Variants in TMEM40 observed in about 807,000 individuals in gnomAD.
The protein encoded by TMEM40 is transmembrane protein 40.
TMEM40 carries 34 observed loss-of-function variants against 40.8 expected under a neutral mutation model. That is an observed-to-expected ratio of 0.83 (90% CI 0.63 to 1.11). TMEM40 has a LOEUF of 1.11. TMEM40 is among the 50% of genes least tolerant of loss of function. The pLI is 0.00. For missense variants in TMEM40, 296 were observed against 280.2 expected (o/e 1.06, Z -0.40); for synonymous variants, 106 against 107.0 (o/e 0.99, Z 0.06).
Position 12,757,469 on chromosome 3 carries a change from C to CA in TMEM40, c.-9+1721dup, listed in dbSNP as rs796454706. Among the ~76,000 whole-genome samples, 841 of 87,124 alleles carry CA rather than the reference C, an allele frequency of 9.7e-3. 11 individuals carry two copies. Among genetic ancestry groups the CA allele is most frequent in the Middle Eastern group, 0.021 (3 of 144 alleles). 57.2% of individuals were successfully genotyped at this position (87,124 alleles called of 152,430 possible). Reference sequence around the variant, plus strand: ...GGGCAACAAGACTGAAACTCCGTCTCAAAAAAAAAAAAAAAAAAGATGCTC... The same window carrying CA: ...GGGCAACAAGACTGAAACTCCGTCTCAAAAAAAAAAAAAAAAAAAGATGCTC... On this transcript the variant is annotated intron_variant, in intron 1 of 11. Transcript: ENST00000314124.
chr3:12,754,244 G>A (rs1413602477), intron 1 of TMEM40, among the ~76,000 whole-genome samples: 4 of 152,118 alleles, frequency 2.6e-5, no homozygotes, highest in African/African-American at 9.7e-5. Context: ...CCCGGGAGGT[G>A]GAGCTGGCAG....
chr3:12,746,071 T>C (rs572187124), intron 3 of TMEM40, among the ~76,000 whole-genome samples: 3 of 152,038 alleles, frequency 2.0e-5, no homozygotes, highest in Non-Finnish European at 2.9e-5. Context: ...CTAATTTTTG[T>C]ATTTTTATTA....
upstream of TMEM40, among the ~76,000 whole-genome samples, chr3:12,762,229 CAA>C (rs1325867709): frequency 6.6e-6 from 1 of 152,194 alleles, no homozygotes; most frequent in Non-Finnish European, 1.5e-5. Flanking sequence ...CCTGGGTTCC[CAA>C]AGTGCTGGGA....
At chr3:12,735,114 G>T (rs1018341681) in intron 11 of TMEM40, among the ~76,000 whole-genome samples, 7 of 152,194 alleles carry the variant, frequency 4.6e-5, no homozygotes, top group Non-Finnish European at 7.3e-5. Flanking sequence ...GTGTGACTGT[G>T]GGCGAGTCAC....
rs915411417 is a variant in TMEM40, at chr3:12,748,574, A to G, written c.211+81T>C. 2.2e-5 allele frequency: 34 copies of G among 1,534,992 alleles called. 2 individuals are homozygous for G. The South Asian group carries it at 2.4e-4, about 11-fold the overall frequency. Reference sequence around the variant, plus strand: ...CGGTATTGGAGTTTCAAGTACTTCAATGACTTCAAGTATGGGGGATTATTT... The same window carrying G: ...CGGTATTGGAGTTTCAAGTACTTCAGTGACTTCAAGTATGGGGGATTATTT... On this transcript the variant is annotated intron_variant, in intron 3 of 11. Coordinates refer to ENST00000314124, the MANE Select transcript of TMEM40 (RefSeq NM_018306.4).
chr3:12,755,213 T>TCTCTCTCTC (rs1233789779), intron 1 of TMEM40, among the ~76,000 whole-genome samples: 3 of 94,320 alleles, frequency 3.2e-5, no homozygotes, highest in African/African-American at 8.7e-5. Context: ...CTTTCTTTCT[T>TCTCTCTCTC]TCTCTCTCTC....
Position 12,734,564 on chromosome 3 carries a change from A to C in TMEM40, c.*210T>G, listed in dbSNP as rs1000861742. ...CCCACCCTCTGCCTTCCATCCTTGC[A>C]GCTGGGTTGCACAGCAGTACTGCCC... On this transcript the variant is annotated 3_prime_UTR_variant, in exon 12 of 12. Coordinates refer to ENST00000314124, the MANE Select transcript of TMEM40 (RefSeq NM_018306.4). 1 of 569,386 alleles carries C rather than the reference A, an allele frequency of 1.8e-6. No individual in the cohort carries two copies. Among genetic ancestry groups the C allele is most frequent in the African/African-American group, 1.9e-5 (1 of 53,302 alleles). The allele number at this position is 569,386 out of a possible 1,614,324, so 35.3% of individuals were successfully genotyped here.
At chr3:12,751,130 T>C (rs960146851) in intron 1 of TMEM40, among the ~76,000 whole-genome samples, 8 of 151,696 alleles carry the variant, frequency 5.3e-5, no homozygotes, top group South Asian at 4.2e-4. Flanking sequence ...GCTTACCTTA[T>C]AGTATGTGAA....
At chr3:12,742,234 CA>C (rs1437047086) in intron 5 of TMEM40, among the ~76,000 whole-genome samples, 1 of 151,936 alleles carries the variant, frequency 6.6e-6, no homozygotes, top group East Asian at 1.9e-4. Context: ...CGTCTCAAAA[CA>C]AACAAACAAA....
intron 1 of TMEM40, among the ~76,000 whole-genome samples, chr3:12,768,876 G>C (rs1235896963): frequency 2.5e-4 from 37 of 146,332 alleles, no homozygotes; most frequent in Admixed American, 6.8e-5. Context: ...CGGCCCTGCA[G>C]GAGCCCATGG....
chr3:12,764,161 G>A (rs369995448), upstream of TMEM40, among the ~76,000 whole-genome samples: 5 of 152,052 alleles, frequency 3.3e-5, no homozygotes, highest in African/African-American at 2.4e-5. Context: ...TAATCCACCC[G>A]CCTCAGCCTC....
intron 1 of TMEM40, among the ~76,000 whole-genome samples, chr3:12,753,422 C>T (rs1490569488): frequency 6.6e-6 from 1 of 151,870 alleles, no homozygotes; most frequent in Non-Finnish European, 1.5e-5. Context: ...TAGGGTCTCA[C>T]TATGTTGCCC....
chr3:12,734,641 GA>G lies in TMEM40; in HGVS notation c.*132del. 9.3e-7 allele frequency: 1 copy of G among 1,070,718 alleles called. No individual in the cohort carries two copies. The allele number at this position is 1,070,718 out of a possible 1,614,324, so 66.3% of individuals were successfully genotyped here. On this transcript the variant is annotated 3_prime_UTR_variant, in exon 12 of 12. Transcript: ENST00000314124. The stretch of plus-strand genomic sequence containing the variant: ...TGCCAACATTCAGACCACATGGAAG[GA>G]AAAGTGTTCTGTTTATTGGTCTGGC...
rs1046382107 is a variant in TMEM40 at position 12,735,573 on chromosome 3, G to A, written c.664C>T (p.Gln222Ter). The A allele has an allele frequency of 6.2e-6, 10 of 1,613,556 alleles. No homozygotes were observed. Among genetic ancestry groups the A allele is most frequent in the Middle Eastern group, 1.6e-4 (1 of 6,080 alleles). ...AAGTTACCTGTCAGCCTAAACTTCT[G>A]GAAGAGGGGGATGAAGCCTTGGAGG... ...SVLQGFIPLF[Q>*]KFRLTGFRKT... is the part of the protein sequence containing the mutation. The change falls in exon 11 of 12, where the codon CAG (glutamine) becomes TAG (stop). Residue 222 changes from glutamine to a stop codon, truncating the protein, a stop_gained. Transcript: ENST00000314124. LOFTEE classifies it high-confidence loss of function.
upstream of TMEM40, among the ~76,000 whole-genome samples, chr3:12,760,978 T>A (rs530647692): frequency 3.3e-5 from 5 of 152,344 alleles, no homozygotes; most frequent in African/African-American, 9.6e-5. Flanking sequence ...CCTCAAGCGA[T>A]CCTCCGGCCT....
chr3:12,740,438 A>G (rs1009992368), intron 5 of TMEM40, among the ~76,000 whole-genome samples: 1 of 149,252 alleles, frequency 6.7e-6, no homozygotes, highest in East Asian at 2.1e-4. Flanking sequence ...GTGGTGGCTC[A>G]CGCCTCTAAT....
At chr3:12,734,919 G>T in intron 11 of TMEM40, 126 bp from the exon 12 acceptor site, 1 of 1,077,164 alleles carries the variant, frequency 9.3e-7, no homozygotes, top group African/African-American at 1.6e-5. Context: ...GAAGCCATGG[G>T]TCTCAATGAA....
At chr3:12,756,838 C>T (rs1161773598) in intron 1 of TMEM40, among the ~76,000 whole-genome samples, 1 of 151,758 alleles carries the variant, frequency 6.6e-6, no homozygotes, top group Non-Finnish European at 1.5e-5. Context: ...TCTCTCACAA[C>T]ACACACCACA....
rs189140731 is a variant in TMEM40, at chr3:12,765,591, G to T, written c.-9+3660C>A. Reference sequence around the variant, plus strand: ...CTTTTTTTTTTTTTTTTTTTGAGACGGAGTCTCGCTCTGTTGCCCAGGCTG... The same window carrying T: ...CTTTTTTTTTTTTTTTTTTTGAGACTGAGTCTCGCTCTGTTGCCCAGGCTG... On this transcript the variant is annotated intron_variant, in intron 1 of 11. Coordinates refer to the TMEM40 transcript ENST00000264728. Among the ~76,000 whole-genome samples, 925 of 146,776 alleles carry T rather than the reference G, an allele frequency of 6.3e-3. 6 individuals carry two copies. The Middle Eastern group carries it at 0.069, about 11-fold the overall frequency.
Sources: gnomAD v4.1 joint callset for allele counts (sites outside exome capture counted in the v4.1 genomes callset) on GRCh38, gnomAD v4.1.1 for gene constraint, MANE v1.5 for transcripts, NCBI Gene and HGNC (gene_info 2026-07-23, HGNC 2026-07-21) for gene names.